The following MSH4 variants were observed in gnomAD, a reference collection of about 807,000 sequenced individuals.
The protein encoded by MSH4 is mutS protein homolog 4.
A neutral mutation model predicts 113.7 loss-of-function variants in MSH4; 106 were observed. The observed-to-expected ratio is 0.93, with a 90% confidence interval of 0.80 to 1.10. The LOEUF is 1.10. Ranked by LOEUF, MSH4 falls within the 50% of genes least tolerant of loss-of-function variation. The pLI is 0.00. For missense variants in MSH4, 1,061 were observed against 1,093.7 expected (o/e 0.97, Z 0.42); for synonymous variants, 368 against 380.2 (o/e 0.97, Z 0.37).
In MSH4 at chr1:75,899,718, T is replaced by C. The variant is rs2100589668; in HGVS notation, c.2619+12T>C. 4.3e-6 allele frequency: 6 copies of C among 1,403,988 alleles called. No homozygotes were observed. Among genetic ancestry groups the C allele is most frequent in the East Asian group, 2.7e-5 (1 of 37,084 alleles). 87.0% of individuals were successfully genotyped at this position (1,403,988 alleles called of 1,614,324 possible). A position where few individuals can be genotyped will look rare whatever the true frequency, so the allele number is the denominator to read the frequency against. On this transcript the variant is annotated intron_variant, in intron 19 of 19. Coordinates refer to ENST00000263187, the MANE Select transcript of MSH4 (RefSeq NM_002440.4). ...CGAGACAAATTTTGGTAAGAAACTT[T>C]GTTCTTATTTGTTCTTCAAATTAAA...
intron 2 of MSH4, among the ~76,000 whole-genome samples, chr1:75,805,571 G>A (rs1650042466): frequency 6.7e-6 from 1 of 149,010 alleles, no homozygotes; most frequent in East Asian, 2.0e-4. Flanking sequence ...TTTTTTAGTA[G>A]AGATGGGGTT....
At chr1:75,831,017 C>A (rs147102009) in intron 7 of MSH4, among the ~76,000 whole-genome samples, 2 of 152,012 alleles carry the variant, frequency 1.3e-5, no homozygotes, top group East Asian at 3.9e-4. Context: ...GAGTCAAGAC[C>A]CATCAATGTG....
chr1:75,807,809 G>A (rs984889858), intron 3 of MSH4, among the ~76,000 whole-genome samples: 1 of 152,116 alleles, frequency 6.6e-6, no homozygotes, highest in Non-Finnish European at 1.5e-5. Flanking sequence ...GAGGAGATGA[G>A]TGGGTGAGTC....
At chr1:75,828,873 C>G (rs1650617194) in intron 7 of MSH4, among the ~76,000 whole-genome samples, 1 of 152,108 alleles carries the variant, frequency 6.6e-6, no homozygotes, top group African/African-American at 2.4e-5. Context: ...GTCTGCAGCT[C>G]CCAGCATGAG....
chr1:75,849,857 T>C (rs1442459692), intron 8 of MSH4, among the ~76,000 whole-genome samples: 1 of 152,190 alleles, frequency 6.6e-6, no homozygotes, highest in Non-Finnish European at 1.5e-5. Flanking sequence ...TAAATTCCAC[T>C]TATTAAATAG....
intron 2 of MSH4, 143 bp from the exon 3 acceptor site, chr1:75,806,838 T>C (rs1650078210): frequency 4.4e-6 from 3 of 681,366 alleles, no homozygotes; most frequent in Non-Finnish European, 4.6e-6. Flanking sequence ...ATAGATCCTT[T>C]AGGGAGAATT....
chr1:75,814,896 C>A, intron 4 of MSH4, 125 bp from the exon 5 acceptor site: 1 of 622,810 alleles, frequency 1.6e-6, no homozygotes, highest in Non-Finnish European at 2.9e-6. Flanking sequence ...AAGAAAAGTT[C>A]TTATTTAAAT....
At chr1:75,821,777 T>G (rs1650419659) in intron 6 of MSH4, among the ~76,000 whole-genome samples, 1 of 152,068 alleles carries the variant, frequency 6.6e-6, no homozygotes, top group Non-Finnish European at 1.5e-5. Context: ...TCCAGTTAAT[T>G]TTTAGTTTTT....
At chr1:75,908,874 T>G (rs1348363119) in intron 19 of MSH4, among the ~76,000 whole-genome samples, 1 of 152,148 alleles carries the variant, frequency 6.6e-6, no homozygotes, top group South Asian at 2.1e-4. Flanking sequence ...TCTCAGATGG[T>G]AGGGTTCTTA....
At chr1:75,842,408 C>G (rs1044801180) in intron 7 of MSH4, among the ~76,000 whole-genome samples, 11 of 152,046 alleles carry the variant, frequency 7.2e-5, no homozygotes, top group African/African-American at 2.7e-4. Context: ...GCCACCCAGG[C>G]CCCAAGGAAA....
At chr1:75,860,247 A>G (rs1045525360) in intron 8 of MSH4, among the ~76,000 whole-genome samples, 4 of 152,136 alleles carry the variant, frequency 2.6e-5, no homozygotes, top group Admixed American at 1.3e-4. Flanking sequence ...TAATTGGAGC[A>G]TTTATCCCAT....
intron 17 of MSH4, among the ~76,000 whole-genome samples, chr1:75,896,879 A>G (rs890890391): frequency 1.3e-5 from 2 of 152,134 alleles, no homozygotes; most frequent in Non-Finnish European, 2.9e-5. Flanking sequence ...ACTGTGTTCT[A>G]AATATTTCCT....
At chr1:75,841,771 A>AG (rs1221523562) in intron 7 of MSH4, among the ~76,000 whole-genome samples, 1 of 152,196 alleles carries the variant, frequency 6.6e-6, no homozygotes, top group African/African-American at 2.4e-5. Context: ...AAAGAGAAAG[A>AG]GCAATATAAA....
At position 75,878,299 on chromosome 1, in the gene MSH4, G is replaced by A; in HGVS notation, c.1521G>A (p.Glu507=). The change falls in exon 11 of 20, where the codon GAG becomes GAA. Residue 507 remains glutamate, a synonymous_variant. Coordinates refer to ENST00000263187, the MANE Select transcript of MSH4 (RefSeq NM_002440.4). Reference sequence around the variant, plus strand: ...ACATAGCAAGAAGAACATACACAGAGATTGTAGATGACATAGCAGGTAATT... The same window carrying A: ...ACATAGCAAGAAGAACATACACAGAAATTGTAGATGACATAGCAGGTAATT... ...FLDIARRTYT[E]IVDDIAGMIS... is the part of the protein sequence containing the mutation. The A allele has an allele frequency of 6.3e-7, 1 of 1,594,048 alleles. No individual in the cohort carries two copies. Among genetic ancestry groups the A allele is most frequent in the Non-Finnish European group, 8.5e-7 (1 of 1,174,892 alleles).
intron 19 of MSH4, among the ~76,000 whole-genome samples, chr1:75,909,836 G>T (rs1221230868): frequency 6.6e-6 from 1 of 151,710 alleles, no homozygotes; most frequent in Non-Finnish European, 1.5e-5. Flanking sequence ...ATCTTGATGA[G>T]TTCTTGAACC....
intron 7 of MSH4, among the ~76,000 whole-genome samples, chr1:75,844,359 C>T (rs1651032058): frequency 6.6e-6 from 1 of 152,132 alleles, no homozygotes; most frequent in African/African-American, 2.4e-5. Flanking sequence ...CAGAGTCTGA[C>T]TCTGTTGCCC....
intron 7 of MSH4, among the ~76,000 whole-genome samples, chr1:75,836,670 T>C (rs940971419): frequency 6.6e-6 from 1 of 152,224 alleles, no homozygotes; most frequent in Non-Finnish European, 1.5e-5. Flanking sequence ...CACAATTTAT[T>C]TGATACTGCT....
At chr1:75,907,684 CTATACATATATATATATATATATA>C (rs1235160661) in intron 19 of MSH4, among the ~76,000 whole-genome samples, 1 of 46,576 alleles carries the variant, frequency 2.1e-5, no homozygotes, top group African/African-American at 9.9e-5. Context: ...CTCTCTCTCT[CTATACATATATATATATATATATA>C]TATATATATA....
At position 75,883,688 on chromosome 1, in the gene MSH4, T is replaced by C; in HGVS notation, c.1974T>C (p.Ser658=). ...GGCATCCTATTCTTGAAAAAATATC[T>C]GCGGAAAAACCTATTGCCAACAATA... is the stretch of plus-strand genomic sequence containing the variant. ...QGWHPILEKI[S]AEKPIANNTY... The change falls in exon 15 of 20, where the codon TCT becomes TCC. Residue 658 remains serine (S), a synonymous_variant. Coordinates refer to ENST00000263187, the MANE Select transcript of MSH4 (RefSeq NM_002440.4). The C allele has an allele frequency of 6.2e-7, 1 of 1,613,420 alleles. No homozygotes were observed. The highest frequency in any genetic ancestry group is 1.1e-5 in the South Asian group (1 of 91,068).
Sources: gnomAD v4.1 joint callset for allele counts (sites outside exome capture counted in the v4.1 genomes callset) on GRCh38, gnomAD v4.1.1 for gene constraint, MANE v1.5 for transcripts, NCBI Gene and HGNC (gene_info 2026-07-23, HGNC 2026-07-21) for gene names.